XKR6: variants seen among roughly 807,000 people sequenced by gnomAD.
XKR6 encodes XK related 6, also known as XK-related protein 6.
A neutral mutation model predicts 56.7 loss-of-function variants in XKR6; 22 were observed. The observed-to-expected ratio is 0.39, with a 90% CI of 0.28 to 0.55. The LOEUF is 0.55. Ranked by LOEUF, XKR6 falls within the 20% of genes least tolerant of loss-of-function variation. XKR6 has a pLI of 0.66. For synonymous variants in XKR6, 524 were observed against 387.8 expected (o/e 1.35, Z -4.13); for missense variants, 852 against 889.0 (o/e 0.96, Z 0.53).
intron 1 of XKR6, among the ~76,000 whole-genome samples, chr8:11,036,821 C>G (rs914303071): frequency 3.9e-5 from 6 of 152,222 alleles, no homozygotes; most frequent in Non-Finnish European, 8.8e-5. Flanking sequence ...AGACTTAGGT[C>G]ACGCTTTCAT....
intron 1 of XKR6, among the ~76,000 whole-genome samples, chr8:11,093,884 C>G (rs545922875): frequency 3.4e-5 from 5 of 148,966 alleles, no homozygotes; most frequent in African/African-American, 1.2e-4. Flanking sequence ...CCCGGGTTCA[C>G]GCCATTCTCC....
intron 1 of XKR6, among the ~76,000 whole-genome samples, chr8:11,065,043 A>C (rs533111270): frequency 6.6e-6 from 1 of 152,352 alleles, no homozygotes; most frequent in South Asian, 2.1e-4. Context: ...GATATGACAC[A>C]GCATAAAATT....
At chr8:10,915,405 C>T (rs1177074091) in intron 2 of XKR6, among the ~76,000 whole-genome samples, 1 of 152,240 alleles carries the variant, frequency 6.6e-6, no homozygotes, top group East Asian at 1.9e-4. Context: ...GCTCATGTCT[C>T]TCTGTTCCAG....
chr8:11,068,808 C>T (rs1800045295), intron 1 of XKR6, among the ~76,000 whole-genome samples: 1 of 152,178 alleles, frequency 6.6e-6, no homozygotes, highest in Non-Finnish European at 1.5e-5. Context: ...CACCCCTGGC[C>T]AAGGTGGGCC....
intron 1 of XKR6, among the ~76,000 whole-genome samples, chr8:11,065,765 G>C (rs768824414): frequency 3.9e-5 from 6 of 152,120 alleles, no homozygotes; most frequent in Non-Finnish European, 7.4e-5. Context: ...CTGGGAACTG[G>C]AATATCCTCC....
At chr8:10,961,538 G>A (rs752696287) in intron 1 of XKR6, among the ~76,000 whole-genome samples, 1 of 152,212 alleles carries the variant, frequency 6.6e-6, no homozygotes, top group Non-Finnish European at 1.5e-5. Flanking sequence ...CACACTTGAT[G>A]AGTACATGAA....
intron 1 of XKR6, among the ~76,000 whole-genome samples, chr8:11,190,433 T>C (rs1803515106): frequency 6.6e-6 from 1 of 152,194 alleles, no homozygotes; most frequent in African/African-American, 2.4e-5. Context: ...CATATTCCTT[T>C]GTGTAATGTG....
At chr8:11,109,543 G>C (rs1311989806) in intron 1 of XKR6, 1 of 152,190 alleles carries the variant, frequency 6.6e-6, no homozygotes, top group Non-Finnish European at 1.5e-5. Flanking sequence ...TCCAGACCCG[G>C]CATGGACCAT....
intron 1 of XKR6, among the ~76,000 whole-genome samples, chr8:11,071,461 A>AAGTCTATGAGCCCCG (rs1233164415): frequency 0.14 from 17,937 of 131,708 alleles, 2,243 homozygotes; most frequent in Middle Eastern, 0.23. Context: ...TTACACCTTT[A>AAGTCTATGAGCCCCG]AGTCTATGAG....
At chr8:10,938,263 G>A (rs1401966016) in intron 1 of XKR6, among the ~76,000 whole-genome samples, 15 of 152,128 alleles carry the variant, frequency 9.9e-5, no homozygotes, top group Admixed American at 5.9e-4. Context: ...TTCGGCTCGC[G>A]CACGGTGCGC....
intron 1 of XKR6, among the ~76,000 whole-genome samples, chr8:11,078,118 A>AGGATTTATTCAGTCTCATGGAGTGTACTG (rs1800322901): frequency 6.6e-6 from 1 of 152,200 alleles, no homozygotes; most frequent in Non-Finnish European, 1.5e-5. Context: ...GCCTGACTCT[A>AGGATTTATTCAGTCTCATGGAGTGTACTG]GGATTTATTC....
chr8:10,977,693 G>T (rs941673154), intron 1 of XKR6, among the ~76,000 whole-genome samples: 5 of 150,148 alleles, frequency 3.3e-5, no homozygotes, highest in African/African-American at 9.8e-5. Flanking sequence ...AGGTGGGTTC[G>T]GGGATAGAGA....
chr8:11,069,827 C>T (rs930093787), intron 1 of XKR6, among the ~76,000 whole-genome samples: 1 of 152,200 alleles, frequency 6.6e-6, no homozygotes, highest in Non-Finnish European at 1.5e-5. Context: ...CCCAGACTCA[C>T]TGACAGGCTA....
chr8:10,976,642 G>A lies in XKR6; in HGVS notation c.765-51812C>T, dbSNP rs145000363. Among the ~76,000 whole-genome samples, 16 of 152,278 alleles carry A rather than the reference G, an allele frequency of 1.1e-4. 1 individual carries two copies. The East Asian group carries it at 3.1e-3, about 29-fold the overall frequency. ...CTCCACGTTCAAGAGTACAAAGTCC[G>A]TGATCCAGGAAGACAATGAGGCAGC... On this transcript the variant is annotated intron_variant, in intron 1 of 2. Transcript: ENST00000416569.
rs116243652 is a variant in XKR6, at chr8:11,090,714, C to A, written c.764+109862G>T. Among the ~76,000 whole-genome samples, 963 of 152,188 alleles carry A rather than the reference C, an allele frequency of 6.3e-3. 12 individuals are homozygous for A. Among genetic ancestry groups the A allele is most frequent in the African/African-American group, 0.022 (919 of 41,502 alleles). Reference sequence around the variant, plus strand: ...AGTGCCTGTTCATATTTTTTGCCCACTTTTATAAATTGGGTCTTTTTTTCC... The same window carrying A: ...AGTGCCTGTTCATATTTTTTGCCCAATTTTATAAATTGGGTCTTTTTTTCC... On this transcript the variant is annotated intron_variant, in intron 1 of 2. Coordinates refer to ENST00000416569, the MANE Select transcript of XKR6 (RefSeq NM_173683.4).
At chr8:10,990,802 C>G (rs1234925359) in intron 1 of XKR6, among the ~76,000 whole-genome samples, 1 of 151,312 alleles carries the variant, frequency 6.6e-6, no homozygotes. Context: ...AGGCTGGTCT[C>G]GAACTTCTGG....
intron 1 of XKR6, among the ~76,000 whole-genome samples, chr8:11,017,881 G>C (rs1054157595): frequency 1.4e-4 from 22 of 152,150 alleles, no homozygotes; most frequent in Non-Finnish European, 4.4e-5. Flanking sequence ...AGTGGGTGCT[G>C]GGGTGTAGCT....
intron 1 of XKR6, among the ~76,000 whole-genome samples, chr8:11,125,528 TA>T (rs1364614041): frequency 6.6e-6 from 1 of 152,112 alleles, no homozygotes; most frequent in Non-Finnish European, 1.5e-5. Flanking sequence ...TGCAGGGCCA[TA>T]ACGGAGATGA....
At chr8:11,132,164 C>T (rs1485349615) in intron 1 of XKR6, among the ~76,000 whole-genome samples, 1 of 151,980 alleles carries the variant, frequency 6.6e-6, no homozygotes, top group Non-Finnish European at 1.5e-5. Flanking sequence ...GTATGCCAGG[C>T]CCATACTTTG....
Sources: gnomAD v4.1 joint callset for allele counts (sites outside exome capture counted in the v4.1 genomes callset) on GRCh38, gnomAD v4.1.1 for gene constraint, MANE v1.5 for transcripts, NCBI Gene and HGNC (gene_info 2026-07-23, HGNC 2026-07-21) for gene names.